The following OSBPL10 variants were observed in gnomAD, a reference collection of about 807,000 sequenced individuals.
The protein encoded by OSBPL10 is oxysterol binding protein like 10.
In OSBPL10, 49 loss-of-function variants were observed where a neutral mutation model predicts 81.7. That is an observed-to-expected ratio of 0.60 (90% CI 0.48 to 0.76). OSBPL10 has a LOEUF of 0.76. OSBPL10 is among the 30% of genes least tolerant of loss of function. The pLI is 0.00. For missense variants in OSBPL10, 923 were observed against 987.8 expected (o/e 0.93, Z 0.88); for synonymous variants, 419 against 383.6 (o/e 1.09, Z -1.08).
chr3:31,794,595 C>T (rs1699132620), intron 4 of OSBPL10: 2 of 356,816 alleles, frequency 5.6e-6, no homozygotes, highest in Non-Finnish European at 1.1e-5. Context: ...TGTACTGTGA[C>T]GTGATGCTGA....
rs761896575 is a variant in OSBPL10, at chr3:31,728,058, T to C, written c.1095+5199A>G. Among the ~76,000 whole-genome samples the C allele has an allele frequency of 2.6e-5, 4 of 152,214 alleles. 1 individual carries two copies. The highest frequency in any genetic ancestry group is 5.9e-5 in the Non-Finnish European group (4 of 68,042). The stretch of plus-strand genomic sequence containing the variant: ...TTATTCTTAAAACAATTTTTCTTCT[T>C]TTGGGAAAGGATGATTAGGACATGT... On this transcript the variant is annotated intron_variant, in intron 6 of 11. Coordinates refer to ENST00000396556, the MANE Select transcript of OSBPL10 (RefSeq NM_017784.5).
chr3:32,016,679 A>G (rs1321984998), intron 2 of OSBPL10, among the ~76,000 whole-genome samples: 2 of 152,204 alleles, frequency 1.3e-5, no homozygotes, highest in Admixed American at 1.3e-4. Flanking sequence ...TAATTAGAAT[A>G]GGTTGTCAAA....
At chr3:31,865,413 A>C (rs1187532440) in intron 3 of OSBPL10, among the ~76,000 whole-genome samples, 2 of 152,218 alleles carry the variant, frequency 1.3e-5, no homozygotes, top group Non-Finnish European at 2.9e-5. Context: ...GCATAGTTTT[A>C]AAACCTGTAT....
At chr3:31,915,375 T>C (rs184636156) in intron 1 of OSBPL10, among the ~76,000 whole-genome samples, 110 of 152,236 alleles carry the variant, frequency 7.2e-4, no homozygotes, top group Middle Eastern at 3.4e-3. Context: ...TGCCTGTCAA[T>C]GGTGGACTGG....
chr3:31,831,402 G>A (rs1468107680), intron 3 of OSBPL10, among the ~76,000 whole-genome samples: 11 of 146,942 alleles, frequency 7.5e-5, no homozygotes, highest in South Asian at 2.2e-4. Context: ...GCGAAACTCC[G>A]TCTCAAAAAA....
At chr3:31,697,415 T>C (rs1695758095) in intron 7 of OSBPL10, among the ~76,000 whole-genome samples, 1 of 151,766 alleles carries the variant, frequency 6.6e-6, no homozygotes, top group South Asian at 2.1e-4. Flanking sequence ...TTACCAGCAA[T>C]AGACAATTGA....
At chr3:32,050,448 A>C in intron 1 of OSBPL10, among the ~76,000 whole-genome samples, 1 of 152,110 alleles carries the variant, frequency 6.6e-6, no homozygotes, top group Admixed American at 6.5e-5. Flanking sequence ...TCCCTTCTTG[A>C]ATCTTCCTTT....
At chr3:31,703,718 T>G (rs1156253798) in intron 6 of OSBPL10, 1 of 152,182 alleles carries the variant, frequency 6.6e-6, no homozygotes, top group Non-Finnish European at 1.5e-5. Context: ...ATAGACGTTT[T>G]CCACAGACAT....
At chr3:31,915,654 T>C (rs1477172945) in intron 1 of OSBPL10, among the ~76,000 whole-genome samples, 5 of 152,112 alleles carry the variant, frequency 3.3e-5, no homozygotes, top group Admixed American at 3.3e-4. Context: ...TCGCATACCA[T>C]GCTCAGTGCC....
intron 1 of OSBPL10, among the ~76,000 whole-genome samples, chr3:31,887,554 C>A (rs988970190): frequency 2.0e-5 from 3 of 152,084 alleles, no homozygotes; most frequent in African/African-American, 4.8e-5. Flanking sequence ...TAATATATAA[C>A]CCCAAAATAT....
chr3:31,945,916 C>T (rs1697689541), intron 1 of OSBPL10, among the ~76,000 whole-genome samples: 2 of 152,140 alleles, frequency 1.3e-5, no homozygotes, highest in African/African-American at 4.8e-5. Flanking sequence ...TAAGGCATTA[C>T]TCAATTCAGA....
intron 1 of OSBPL10, among the ~76,000 whole-genome samples, chr3:31,885,995 C>CAAAAAAAAAAAAAAAAA (rs397957994): frequency 4.8e-5 from 3 of 62,528 alleles, no homozygotes; most frequent in Non-Finnish European, 8.5e-5. Context: ...AACTCCATCT[C>CAAAAAAAAAAAAAAAAA]AAAAAAAAAA....
At chr3:31,932,670 AC>A (rs1697282461) in intron 1 of OSBPL10, among the ~76,000 whole-genome samples, 1 of 152,024 alleles carries the variant, frequency 6.6e-6, no homozygotes, top group African/African-American at 2.4e-5. Context: ...AGGCTATTTA[AC>A]ATCATTTTAA....
chr3:31,737,899 C>T (rs766708179), intron 5 of OSBPL10, among the ~76,000 whole-genome samples: 11 of 151,190 alleles, frequency 7.3e-5, no homozygotes, highest in African/African-American at 1.7e-4. Context: ...GGCTGAGGCA[C>T]GAGAATCACT....
chr3:31,961,907 G>A (rs111701668), intron 1 of OSBPL10, among the ~76,000 whole-genome samples: 1 of 130,050 alleles, frequency 7.7e-6, no homozygotes, highest in Non-Finnish European at 1.6e-5. Context: ...TTTTGTTTTG[G>A]TTTTTTTTTT....
intron 6 of OSBPL10, among the ~76,000 whole-genome samples, chr3:31,727,848 GA>G (rs1158404096): frequency 6.6e-6 from 1 of 152,144 alleles, no homozygotes; most frequent in Admixed American, 6.6e-5. Flanking sequence ...TTAAAAAAAT[GA>G]TAAAAATGTG....
chr3:31,760,883 T>A (rs889791844), intron 4 of OSBPL10, among the ~76,000 whole-genome samples: 5 of 152,222 alleles, frequency 3.3e-5, no homozygotes, highest in African/African-American at 1.2e-4. Context: ...CTATGACGGA[T>A]TACGGTTCAA....
At chr3:31,676,321 T>C (rs891458624) in intron 8 of OSBPL10, among the ~76,000 whole-genome samples, 2 of 151,560 alleles carry the variant, frequency 1.3e-5, no homozygotes, top group Admixed American at 6.6e-5. Context: ...ATAAAAGACA[T>C]ATTAAAATTA....
At chr3:31,805,169 C>A (rs574184963) in intron 4 of OSBPL10, among the ~76,000 whole-genome samples, 1 of 152,112 alleles carries the variant, frequency 6.6e-6, no homozygotes, top group African/African-American at 2.4e-5. Context: ...AGCTTTTTCA[C>A]GGAAGGTATT....
Sources: gnomAD v4.1 joint callset for allele counts (sites outside exome capture counted in the v4.1 genomes callset) on GRCh38, gnomAD v4.1.1 for gene constraint, MANE v1.5 for transcripts, NCBI Gene and HGNC (gene_info 2026-07-23, HGNC 2026-07-21) for gene names.